Variants in CFAP74 observed in about 807,000 individuals in gnomAD.
The protein encoded by CFAP74 is cilia- and flagella-associated protein 74.
Under a neutral mutation model 188.9 loss-of-function variants are expected in CFAP74, and 124 were observed. The observed-to-expected ratio is 0.66, with a 90% confidence interval of 0.57 to 0.76. The LOEUF (loss-of-function observed/expected upper bound fraction) is 0.76, where lower values mean the gene tolerates loss of function less well. Among genes scored for constraint, CFAP74 ranks in the 30% least tolerant of loss-of-function variants. The pLI is 0.00. For synonymous variants in CFAP74, 956 were observed against 916.7 expected (o/e 1.04, Z -0.77); for missense variants, 2,198 against 2,165.2 (o/e 1.02, Z -0.30).
intron 6 of CFAP74, chr1:1,984,046 TG>T (rs1657080695): frequency 6.7e-6 from 1 of 148,742 alleles, no homozygotes; most frequent in African/African-American, 2.5e-5. Flanking sequence ...GGCTGGAGTG[TG>T]GCAGTGGCGC....
chr1:1,939,161 CAT>C (rs201264754), intron 24 of CFAP74, among the ~76,000 whole-genome samples, 173 bp from the exon 25 acceptor site: 1,743 of 152,296 alleles, frequency 0.011, 39 homozygotes, highest in African/African-American at 0.038. Flanking sequence ...AGTGTGAGCA[CAT>C]GTGTATGAGT....
intron 25 of CFAP74, among the ~76,000 whole-genome samples, chr1:1,935,139 A>ATG (rs1652788249): frequency 3.9e-5 from 3 of 76,938 alleles, no homozygotes; most frequent in African/African-American, 9.7e-5. Flanking sequence ...ACACGTGTGT[A>ATG]CGTGGGTGTT....
chr1:1,958,359 C>CT (rs1210545026), intron 16 of CFAP74, among the ~76,000 whole-genome samples: 3 of 152,236 alleles, frequency 2.0e-5, no homozygotes, highest in East Asian at 3.8e-4. Context: ...CCTGAGAATT[C>CT]TTAGGAGATA....
rs112959495 is a variant in CFAP74 at position 1,938,621 on chromosome 1, C to T, written c.3011+234G>A. Among the ~76,000 whole-genome samples, 432 of 152,228 alleles carry T rather than the reference C, an allele frequency of 2.8e-3. 1 individual carries two copies. Among genetic ancestry groups the T allele is most frequent in the African/African-American group, 7.4e-3 (307 of 41,534 alleles). On this transcript the variant is annotated intron_variant, in intron 25 of 38. Transcript: ENST00000682832. ...ACATGCTCATATACATACACACCCA[C>T]GACACACACAAACACACACGTCTGA...
chr1:1,928,277 C>A (rs1397251549), intron 27 of CFAP74, among the ~76,000 whole-genome samples: 4 of 123,132 alleles, frequency 3.2e-5, no homozygotes, highest in African/African-American at 9.5e-5. Context: ...CCGGGAAGGG[C>A]AAACCCTTGG....
chr1:1,996,017 C>T (rs1657897229), intron 1 of CFAP74, among the ~76,000 whole-genome samples: 1 of 152,126 alleles, frequency 6.6e-6, no homozygotes, highest in Non-Finnish European at 1.5e-5. Context: ...CAGAGTCTCA[C>T]TCTGTCGCCC....
At chr1:1,985,638 G>A (rs1355696400) in intron 5 of CFAP74, 148 bp from the exon 6 acceptor site, 3 of 656,084 alleles carry the variant, frequency 4.6e-6, no homozygotes, top group African/African-American at 3.6e-5. Flanking sequence ...TGGGGCTGGC[G>A]GGAGGCTCTC....
In CFAP74 at chr1:1,968,679, C is replaced by T. The variant is rs775023820; in HGVS notation, c.1201G>A (p.Asp401Asn). 1 of 1,614,030 alleles carries T rather than the reference C, an allele frequency of 6.2e-7. No individual in the cohort carries two copies. Among genetic ancestry groups the T allele is most frequent in the Non-Finnish European group, 8.5e-7 (1 of 1,179,970 alleles). ...GGGACTGTGGTCTTCTTGCAAAAGT[C>T]AGAAATGTAGTTCCAGGTCTTGTCC... Reference protein sequence around the residue: ...LRDKTWNYISDFCKKTTVPTN... With the variant: ...LRDKTWNYISNFCKKTTVPTN... The change falls in exon 11 of 39, where the codon GAC becomes AAC. Residue 401 changes from aspartate (D) to asparagine (N), a missense_variant. Transcript: ENST00000682832. The surrounding 1 kb of genome is among the most constrained non-coding windows in gnomAD (Gnocchi z 4.3).
At chr1:1,927,306 C>G (rs1651985622) in intron 28 of CFAP74, 1 of 576,446 alleles carries the variant, frequency 1.7e-6, no homozygotes, top group Non-Finnish European at 3.1e-6. Context: ...CCCGGGGCCA[C>G]AGGCACCCAT....
At position 1,923,409 on chromosome 1, in the gene CFAP74, A is replaced by C. The variant is rs1570804743; in HGVS notation, c.4480T>G (p.Ser1494Ala). The C allele has an allele frequency of 6.3e-7, 1 of 1,595,136 alleles. No individual in the cohort carries two copies. The highest frequency in any genetic ancestry group is 8.5e-7 in the Non-Finnish European group (1 of 1,172,640). The change falls in exon 36 of 39, where the codon TCT (serine) becomes GCT (alanine). Residue 1494 changes from serine (S) to alanine (A), a missense_variant. Ser to Ala is a moderately conservative substitution (Grantham distance 99, BLOSUM62 1). Coordinates refer to ENST00000682832, the MANE Select transcript of CFAP74 (RefSeq NM_001304360.2). The surrounding 1 kb of genome is among the most constrained non-coding windows in gnomAD (Gnocchi z 6.3). ...GGDPLDVPVE[S>A]LTAIPVFDPR... ...TCAAATACAGGGATCGCTGTCAGAG[A>C]CTCCACGGGCACGTCCAGGGGGTCG... is the stretch of plus-strand genomic sequence containing the variant.
At chr1:1,969,263 C>T (rs1304693961) in intron 10 of CFAP74, among the ~76,000 whole-genome samples, 2 of 135,706 alleles carry the variant, frequency 1.5e-5, no homozygotes, top group Non-Finnish European at 3.2e-5. Flanking sequence ...CTGCCCAACC[C>T]AGCCCTGCCC....
intron 2 of CFAP74, among the ~76,000 whole-genome samples, chr1:1,989,787 C>T (rs1657465549): frequency 6.6e-6 from 1 of 152,246 alleles, no homozygotes; most frequent in South Asian, 2.1e-4. Context: ...TTGACACGCA[C>T]TAACTTGGTG....
At chr1:1,989,605 T>C (rs559697002) in intron 2 of CFAP74, among the ~76,000 whole-genome samples, 36 of 152,254 alleles carry the variant, frequency 2.4e-4, no homozygotes, top group African/African-American at 8.4e-4. Context: ...AGGCTACAGA[T>C]GTGTCCTACC....
In CFAP74 at chr1:1,921,958, G is replaced by T. The variant is rs1465724945; in HGVS notation, c.*329C>A. On this transcript the variant is annotated 3_prime_UTR_variant, in exon 39 of 39. Coordinates refer to ENST00000682832, the MANE Select transcript of CFAP74 (RefSeq NM_001304360.2). Reference sequence around the variant, plus strand: ...GTCACCCACACTGCAGGCTGCATGTGTTGGCCTACAAAAAATTTATTGACA... The same window carrying T: ...GTCACCCACACTGCAGGCTGCATGTTTTGGCCTACAAAAAATTTATTGACA... 6.1e-6 allele frequency: 2 copies of T among 325,620 alleles called. No homozygotes were observed. The highest frequency in any genetic ancestry group is 1.1e-5 in the Non-Finnish European group (2 of 174,180). The allele number at this position is 325,620 out of a possible 1,614,324, so 20.2% of individuals were successfully genotyped here. A position where few individuals can be genotyped will look rare whatever the true frequency, so the allele number is the denominator to read the frequency against.
At chr1:1,922,963 C>T (rs1275839595) in intron 37 of CFAP74, 22 bp downstream of exon 37, 2 of 1,556,672 alleles carry the variant, frequency 1.3e-6, no homozygotes, top group Non-Finnish European at 8.7e-7. Flanking sequence ...CCTGGTGTCC[C>T]CAGGGGCAGT....
intron 25 of CFAP74, among the ~76,000 whole-genome samples, chr1:1,936,224 A>AAAAAAAAG (rs1326325840): frequency 6.7e-6 from 1 of 148,950 alleles, no homozygotes; most frequent in African/African-American, 2.5e-5. Flanking sequence ...TCTCAAAAAA[A>AAAAAAAAG]AAAAAAAGAA....
Position 1,934,281 on chromosome 1 carries a change from C to T in CFAP74, c.3012-3945G>A, listed in dbSNP as rs888235151. Among the ~76,000 whole-genome samples the T allele has an allele frequency of 3.5e-5, 5 of 144,218 alleles. No homozygotes were observed. The South Asian group carries it at 6.7e-4, about 19-fold the overall frequency. 94.6% of individuals were successfully genotyped at this position (144,218 alleles called of 152,430 possible). On this transcript the variant is annotated intron_variant, in intron 25 of 38. Transcript: ENST00000682832. ...TAGGCTGTAGGTACACAGGTGTATA[C>T]GTGGGTGTTAGGTTGTAGGTACACA...
intron 2 of CFAP74, 85 bp downstream of exon 2, chr1:1,990,805 A>T: frequency 2.0e-6 from 2 of 978,878 alleles, no homozygotes; most frequent in African/African-American, 3.3e-5. Context: ...CCCAGAAATA[A>T]AGGGAATTAA....
Position 1,938,848 on chromosome 1 carries a change from G to C in CFAP74, c.3011+7C>G, listed in dbSNP as rs12405041. On this transcript the variant is annotated splice_region_variant and intron_variant, in intron 25 of 38. Transcript: ENST00000682832. ...CCCCCTGCGTCCCCTCTCCCTGGCA[G>C]GCTCACCGGTTGATCTCAGACTTGC... 4.0e-4 allele frequency: 619 copies of C among 1,535,876 alleles called. 2 individuals carry two copies. The African/African-American group carries it at 7.4e-3, about 18-fold the overall frequency.
Sources: allele counts gnomAD v4.1 joint callset (sites outside exome capture counted in the v4.1 genomes callset), GRCh38; gene constraint gnomAD v4.1.1; non-coding constraint Gnocchi (gnomAD v3.1); transcripts MANE v1.5; gene names NCBI Gene and HGNC (gene_info 2026-07-23, HGNC 2026-07-21).